Variants in TACC3 observed in about 807,000 individuals in gnomAD.
TACC3 encodes transforming acidic coiled-coil containing protein 3.
In TACC3, 52 loss-of-function variants were observed where a neutral mutation model predicts 86.0. The ratio of observed to expected loss-of-function variants is 0.60; its 90% CI spans 0.48 to 0.76. The LOEUF (loss-of-function observed/expected upper bound fraction) is 0.76. Ranked by LOEUF, TACC3 falls within the 30% of genes least tolerant of loss-of-function variation. TACC3 has a pLI of 0.00. For synonymous variants in TACC3, 512 were observed against 430.0 expected, an observed-to-expected ratio of 1.19 and a Z score of -2.36; for missense variants, 1,120 against 1,070.4, an observed-to-expected ratio of 1.05 and a Z score of -0.65.
rs1414133308 is a variant in TACC3 at position 1,729,067 on chromosome 4, C to T, written c.1385+280C>T. ...GAAGCCAAATGCAACCAACCCTGGG[C>T]AGGACCCTGTCCCCCAGTCATGTTC... On this transcript the variant is annotated intron_variant, in intron 4 of 15. Transcript: ENST00000313288. 6.6e-6 allele frequency among the ~76,000 whole-genome samples: 1 copy of T among 152,200 alleles called. No individual in the cohort carries two copies. Among genetic ancestry groups the T allele is most frequent in the African/African-American group, 2.4e-5 (1 of 41,464 alleles).
intron 15 of TACC3, 53 bp downstream of exon 15, chr4:1,744,885 G>A: frequency 1.2e-6 from 2 of 1,612,256 alleles, no homozygotes; most frequent in South Asian, 1.1e-5. Flanking sequence ...CTTCTAGAAG[G>A]CCCTTGGGCC....
At chr4:1,720,678 G>GC, upstream of TACC3, 2 of 1,550,270 alleles carry the variant, frequency 1.3e-6, no homozygotes, top group Non-Finnish European at 1.7e-6. This position sits in a 1 kb window ranked among gnomAD's most constrained non-coding sequence, Gnocchi z 4.4. Context: ...GCCGTGCGGC[G>GC]CAAGTGGAAG....
intron 10 of TACC3, among the ~76,000 whole-genome samples, chr4:1,738,583 G>A (rs1054627171): frequency 2.0e-5 from 3 of 152,224 alleles, no homozygotes; most frequent in Non-Finnish European, 4.4e-5. Flanking sequence ...AATAGTGCTC[G>A]AACATTAATT....
chr4:1,726,236 C>T (rs1310874043), intron 3 of TACC3, among the ~76,000 whole-genome samples: 2 of 152,200 alleles, frequency 1.3e-5, no homozygotes, highest in African/African-American at 4.8e-5. Context: ...CTGTGCCACT[C>T]CACTGTAGCA....
intron 6 of TACC3, among the ~76,000 whole-genome samples, chr4:1,734,746 G>C (rs369583520): frequency 1.3e-5 from 2 of 151,638 alleles, no homozygotes; most frequent in Non-Finnish European, 2.9e-5. Context: ...TCTCAGCTCA[G>C]TGCAGCCTCC....
chr4:1,744,807 C>G lies in TACC3; in HGVS notation c.2426C>G (p.Ser809Trp), dbSNP rs200119142. The G allele has an allele frequency of 1.2e-6, 2 of 1,612,914 alleles. No homozygotes were observed. The highest frequency in any genetic ancestry group is 1.7e-5 in the Admixed American group (1 of 60,018). ...SLRKEQMRIQ[S>W]LEKTVEQKTK... ...AGGAAGGAGCAGATGCGCATCCAGT[C>G]GCTGGAGAAGACAGTGGAGCAGAAG... Residue 809 changes from serine to tryptophan, a missense_variant, in exon 15 of 16, where the codon TCG (serine) becomes TGG (tryptophan). Coordinates refer to ENST00000313288, the MANE Select transcript of TACC3 (RefSeq NM_006342.3).
At position 1,728,497 on chromosome 4, in the gene TACC3, T is replaced by C. The variant is rs1266299840; in HGVS notation, c.1095T>C (p.Pro365=). 2.5e-6 allele frequency: 4 copies of C among 1,613,854 alleles called. No individual in the cohort carries two copies. Among genetic ancestry groups the C allele is most frequent in the Non-Finnish European group, 3.4e-6 (4 of 1,179,978 alleles). The part of the protein sequence containing the change: ...RRLGERSGLK[P]PLRKAAVRQQ... ...TGGGAGAGAGGTCCGGCCTCAAGCC[T>C]CCCTTGAGGAAAGCAGCAGTGAGGC... is the stretch of plus-strand genomic sequence containing the variant. Residue 365 remains proline, a synonymous_variant, in exon 4 of 16, where the codon CCT becomes CCC. Transcript: ENST00000313288.
intron 3 of TACC3, among the ~76,000 whole-genome samples, chr4:1,725,926 G>T (rs1479480794): frequency 6.6e-6 from 1 of 152,284 alleles, no homozygotes; most frequent in Non-Finnish European, 1.5e-5. Flanking sequence ...GTTGTGAGCA[G>T]TCTGACAGGT....
At chr4:1,727,660 C>G (rs769045721) in intron 3 of TACC3, 48 bp from the exon 4 acceptor site, 1 of 1,536,218 alleles carries the variant, frequency 6.5e-7, no homozygotes, top group South Asian at 1.3e-5. Context: ...AGGCCCCTAA[C>G]CTCACCAGGT....
rs201530808 is a variant in TACC3 at position 1,745,050 on chromosome 4, G to A, written c.*37G>A. On this transcript the variant is annotated 3_prime_UTR_variant, in exon 16 of 16. Transcript: ENST00000313288. ...CCGCTGTCCCCGCCCCCCTGCTCCC[G>A]TCTGTCTGTCCTGTCTGATTCTCTT... The A allele has an allele frequency of 7.6e-5, 120 of 1,574,124 alleles. No homozygotes were observed. Among genetic ancestry groups the A allele is most frequent in the South Asian group, 1.9e-4 (16 of 86,334 alleles).
rs1717782659 is a variant in TACC3 at position 1,728,038 on chromosome 4, C to T, written c.636C>T (p.His212=). The T allele has an allele frequency of 1.9e-6, 3 of 1,542,548 alleles. No individual in the cohort carries two copies. Among genetic ancestry groups the T allele is most frequent in the East Asian group, 4.7e-5 (2 of 42,934 alleles). The part of the protein sequence containing the change: ...LEDPCRTESQ[H]KAETPHGAEE... ...ACCCTTGCAGGACAGAGTCCCAGCACAAAGCGGAGACTCCGCACGGAGCCG... is the reference window on the plus strand; with the variant it reads ...ACCCTTGCAGGACAGAGTCCCAGCATAAAGCGGAGACTCCGCACGGAGCCG... The change falls in exon 4 of 16, where the codon CAC becomes CAT. Residue 212 remains histidine (H), a synonymous_variant. Transcript: ENST00000313288.
chr4:1,723,405 T>C lies in TACC3; in HGVS notation c.-1-16T>C, dbSNP rs781178528. The C allele has an allele frequency of 1.1e-5, 17 of 1,610,378 alleles. No individual in the cohort carries two copies. The highest frequency in any genetic ancestry group is 1.4e-5 in the Non-Finnish European group (17 of 1,177,944). On this transcript the variant is annotated splice_polypyrimidine_tract_variant and intron_variant, in intron 1 of 15. Coordinates refer to ENST00000313288, the MANE Select transcript of TACC3 (RefSeq NM_006342.3). Reference sequence around the variant, plus strand: ...TGTTGCCCTCACACTGACACAAACATGTTCTGCTTTTCCAGAATGAGTCTG... The same window carrying C: ...TGTTGCCCTCACACTGACACAAACACGTTCTGCTTTTCCAGAATGAGTCTG...
In TACC3 at chr4:1,735,148, TCC is replaced by T. The variant is rs1168469504; in HGVS notation, c.1592-124_1592-123del. 3.7e-6 allele frequency: 5 copies of T among 1,362,170 alleles called. No homozygotes were observed. Among genetic ancestry groups the T allele is most frequent in the Non-Finnish European group, 5.1e-6 (5 of 975,628 alleles). 84.4% of individuals were successfully genotyped at this position (1,362,170 alleles called of 1,614,324 possible). A position where few individuals can be genotyped will look rare whatever the true frequency, so the allele number is the denominator to read the frequency against. ...CAGTCAGGCCCCGAACATCCACACC[TCC>T]AAGGGAGGAAATACTGCTGGCTGGA... is the stretch of plus-strand genomic sequence containing the variant. On this transcript the variant is annotated intron_variant, in intron 6 of 15. Coordinates refer to ENST00000313288, the MANE Select transcript of TACC3 (RefSeq NM_006342.3). This position sits in a 1 kb window ranked among gnomAD's most constrained non-coding sequence, Gnocchi z 4.2.
rs1254011703 is a variant in TACC3, at chr4:1,723,343, C to T, written c.-1-78C>T. 11 of 1,486,410 alleles carry T rather than the reference C, an allele frequency of 7.4e-6. No homozygotes were observed. In the Admixed American group the frequency reaches 1.6e-4, roughly 22 times the overall value. The allele number at this position is 1,486,410 out of a possible 1,614,324, so 92.1% of individuals were successfully genotyped here. The stretch of plus-strand genomic sequence containing the variant: ...GTGTGGGAAGTGGTCGTGCCCCTTG[C>T]AGCAGCTGTCACGTCTGTGTCTGGA... On this transcript the variant is annotated intron_variant, in intron 1 of 15. Transcript: ENST00000313288.
chr4:1,724,832 G>T (rs975036604), intron 3 of TACC3, among the ~76,000 whole-genome samples: 3 of 151,772 alleles, frequency 2.0e-5, no homozygotes. Flanking sequence ...TGCCATCACA[G>T]CTCACTGCAG....
rs960084514 is a variant in TACC3 at position 1,727,790 on chromosome 4, G to C, written c.388G>C (p.Gly130Arg). Residue 130 changes from glycine to arginine, a missense_variant, in exon 4 of 16, where the codon GGG becomes CGG. By Grantham distance (125) the Gly-to-Arg change is moderately radical. Transcript: ENST00000313288. Reference sequence around the variant, plus strand: ...AGTGGAGGCTGACACCGACCTCCTGGGGGATGCAAGCCCAGCCTTTGGGAG... The same window carrying C: ...AGTGGAGGCTGACACCGACCTCCTGCGGGATGCAAGCCCAGCCTTTGGGAG... ...KPVEADTDLLGDASPAFGSGS... is the reference protein window; with the variant it reads ...KPVEADTDLLRDASPAFGSGS... 1 of 1,613,136 alleles carries C rather than the reference G, an allele frequency of 6.2e-7. No homozygotes were observed. Among genetic ancestry groups the C allele is most frequent in the African/African-American group, 1.3e-5 (1 of 75,060 alleles).
intron 3 of TACC3, among the ~76,000 whole-genome samples, chr4:1,725,290 C>G (rs1010595502): frequency 1.3e-5 from 2 of 152,058 alleles, no homozygotes; most frequent in Non-Finnish European, 2.9e-5. Context: ...GAACAGAATA[C>G]CACTGATGCT....
At chr4:1,739,552 C>A in intron 10 of TACC3, 150 bp from the exon 11 acceptor site, 1 of 718,514 alleles carries the variant, frequency 1.4e-6, no homozygotes, top group Non-Finnish European at 2.3e-6. Context: ...CGACAGGGTT[C>A]CCAGGGTCCC....
At chr4:1,731,021 G>A in intron 5 of TACC3, 59 bp downstream of exon 5, 1 of 1,605,856 alleles carries the variant, frequency 6.2e-7, no homozygotes, top group Non-Finnish European at 8.5e-7. Flanking sequence ...AAGAGTAGCA[G>A]GCAGTGGAAG....
Sources: allele counts gnomAD v4.1 joint callset (sites outside exome capture counted in the v4.1 genomes callset), GRCh38; gene constraint gnomAD v4.1.1; non-coding constraint Gnocchi (gnomAD v3.1); transcripts MANE v1.5; gene names NCBI Gene and HGNC (gene_info 2026-07-23, HGNC 2026-07-21).